Variants in ADGRV1 observed in about 807,000 individuals in gnomAD.
ADGRV1 encodes G-protein coupled receptor 98.
ADGRV1 carries 359 observed loss-of-function variants against 596.2 expected under a neutral mutation model. That is an observed-to-expected ratio of 0.60 (90% CI 0.55 to 0.66). ADGRV1 has a LOEUF of 0.66. Ranked by LOEUF, ADGRV1 falls within the 30% of genes least tolerant of loss-of-function variation. ADGRV1 has a pLI of 0.00. For missense variants in ADGRV1, 7,274 were observed against 7,575.6 expected, an observed-to-expected ratio of 0.96 and a Z score of 1.48; for synonymous variants, 2,681 against 2,679.2, an observed-to-expected ratio of 1.00 and a Z score of -0.02.
rs1462031084 is a variant in ADGRV1 at position 90,985,395 on chromosome 5, C to T, written c.18025C>T (p.Arg6009Ter). The change falls in exon 85 of 90, where the codon CGA (arginine) becomes TGA (stop). Residue 6009 changes from arginine (R) to a stop codon, truncating the protein, a stop_gained. Transcript: ENST00000405460. LOFTEE classifies it high-confidence loss of function. ...LVMNDEHTER[R>*]YLLFFLLSWG... ...GATGAATGATGAGCACACAGAGAGG[C>T]GATATCTGCTGTTTTTCCTTCTGAG... 21 of 1,613,390 alleles carry T rather than the reference C, an allele frequency of 1.3e-5. No homozygotes were observed. The highest frequency in any genetic ancestry group is 3.3e-5 in the South Asian group (3 of 91,028).
At chr5:90,712,576 T>C in intron 42 of ADGRV1, 148 bp downstream of exon 42, 1 of 654,820 alleles carries the variant, frequency 1.5e-6, no homozygotes, top group Non-Finnish European at 2.6e-6. Flanking sequence ...AGAATTCCTG[T>C]GTCTGTGTAA....
intron 14 of ADGRV1, 37 bp downstream of exon 14, chr5:90,644,020 A>C (rs753766852): frequency 7.7e-7 from 1 of 1,305,038 alleles, no homozygotes; most frequent in South Asian, 1.9e-5. Context: ...ATTTCTGTTT[A>C]CTGAAGAAGA....
chr5:90,763,991 T>C (rs867768354), intron 59 of ADGRV1, among the ~76,000 whole-genome samples: 7 of 152,194 alleles, frequency 4.6e-5, no homozygotes, highest in African/African-American at 1.2e-4. Context: ...ATGTCTGATG[T>C]TGAGTGGAAG....
At chr5:90,800,717 A>C (rs1030659110) in intron 70 of ADGRV1, among the ~76,000 whole-genome samples, 1 of 152,214 alleles carries the variant, frequency 6.6e-6, no homozygotes, top group African/African-American at 2.4e-5. Context: ...AATGTGACAC[A>C]TACACCATGG....
intron 86 of ADGRV1, among the ~76,000 whole-genome samples, chr5:91,085,130 A>G (rs1293734061): frequency 6.6e-6 from 1 of 152,202 alleles, no homozygotes; most frequent in Non-Finnish European, 1.5e-5. Context: ...CCTAATGTAA[A>G]TGATGAGTTG....
intron 76 of ADGRV1, among the ~76,000 whole-genome samples, chr5:90,827,404 C>G (rs563519647): frequency 1.3e-5 from 2 of 152,058 alleles, no homozygotes; most frequent in Non-Finnish European, 2.9e-5. Flanking sequence ...ATGTAGGCAC[C>G]CATCTTTACA....
chr5:90,649,869 TGAGAGA>T (rs146927477), intron 17 of ADGRV1, among the ~76,000 whole-genome samples: 29 of 150,112 alleles, frequency 1.9e-4, no homozygotes, highest in African/African-American at 6.3e-4. Context: ...TATTTGATTT[TGAGAGA>T]GAGAGAGAGA....
chr5:90,926,081 G>T (rs1383726237), intron 83 of ADGRV1, among the ~76,000 whole-genome samples: 1 of 133,794 alleles, frequency 7.5e-6, no homozygotes, highest in Non-Finnish European at 1.6e-5. Context: ...AAGGATATTG[G>T]TCTAAAATTC....
chr5:90,788,404 A>G, intron 68 of ADGRV1, 94 bp downstream of exon 68: 2 of 1,233,770 alleles, frequency 1.6e-6, no homozygotes, highest in Non-Finnish European at 2.2e-6. Flanking sequence ...AGCTTGTGAT[A>G]AATTGGAAAT....
intron 87 of ADGRV1, among the ~76,000 whole-genome samples, chr5:91,142,002 A>G (rs1795139652): frequency 6.6e-6 from 1 of 152,244 alleles, no homozygotes; most frequent in Non-Finnish European, 1.5e-5. Flanking sequence ...TGACCTGGCC[A>G]GGAAGGGATG....
intron 85 of ADGRV1, among the ~76,000 whole-genome samples, chr5:91,056,946 A>G (rs1184478742): frequency 6.6e-6 from 1 of 152,252 alleles, no homozygotes. Flanking sequence ...GTAATAAGTC[A>G]TTAGCAAAAA....
chr5:90,627,336 T>C lies in ADGRV1; in HGVS notation c.798T>C (p.Leu266=). ...AAAATGATAGTCCCGTGAGATTCCT[T>C]CAGAGTATTTATTTGGTTCCTGAGG... ...IKKNDSPVRF[L]QSIYLVPEED... Residue 266 remains leucine, a synonymous_variant, in exon 7 of 90, where the codon CTT becomes CTC. Transcript: ENST00000405460. 6.2e-7 allele frequency: 1 copy of C among 1,613,920 alleles called. No homozygotes were observed. Among genetic ancestry groups the C allele is most frequent in the Non-Finnish European group, 8.5e-7 (1 of 1,179,814 alleles).
At chr5:90,770,715 A>C (rs1055747680) in intron 59 of ADGRV1, among the ~76,000 whole-genome samples, 1 of 152,168 alleles carries the variant, frequency 6.6e-6, no homozygotes, top group Non-Finnish European at 1.5e-5. Flanking sequence ...CAAACAAACA[A>C]AAACAAAAAA....
At position 90,853,286 on chromosome 5, in the gene ADGRV1, G is replaced by T; in HGVS notation, c.17207G>T (p.Ser5736Ile). The change falls in exon 80 of 90, where the codon AGC becomes ATC. Residue 5736 changes from serine to isoleucine, a missense_variant and splice_region_variant. By Grantham distance (142) the Ser-to-Ile change is moderately radical. Coordinates refer to ENST00000405460, the MANE Select transcript of ADGRV1 (RefSeq NM_032119.4). ...GACCCTTTGCTTTTCTGTTGTAGAA[G>T]CAAAACCATCCTTGATAGTTGCCCA... Reference protein sequence around the residue: ...NVTCGSPGEKSKTILDSCPYL... With the variant: ...NVTCGSPGEKIKTILDSCPYL... The T allele has an allele frequency of 6.2e-7, 1 of 1,601,334 alleles. No individual in the cohort carries two copies. The highest frequency in any genetic ancestry group is 1.1e-5 in the South Asian group (1 of 89,240).
At chr5:91,103,702 G>A (rs1791596424) in intron 87 of ADGRV1, among the ~76,000 whole-genome samples, 1 of 151,964 alleles carries the variant, frequency 6.6e-6, no homozygotes. Flanking sequence ...TTTTTTGAAG[G>A]CAGTATTTGC....
intron 75 of ADGRV1, among the ~76,000 whole-genome samples, chr5:90,819,045 T>C (rs915957701): frequency 2.0e-5 from 3 of 152,198 alleles, no homozygotes; most frequent in African/African-American, 7.2e-5. Context: ...CATCTGGTCC[T>C]GGACTCTTTT....
chr5:90,786,264 A>T (rs543593715), intron 67 of ADGRV1, among the ~76,000 whole-genome samples: 2 of 149,690 alleles, frequency 1.3e-5, no homozygotes, highest in African/African-American at 2.5e-5. Context: ...GTGGGGGGCT[A>T]GGGGAGAGAT....
chr5:90,765,429 C>CCACACACACACACA (rs531033246), intron 59 of ADGRV1, among the ~76,000 whole-genome samples: 1 of 136,268 alleles, frequency 7.3e-6, no homozygotes. Context: ...AAATCACAGA[C>CCACACACACACACA]CACACACACA....
intron 85 of ADGRV1, among the ~76,000 whole-genome samples, chr5:91,012,995 T>C (rs2151155454): frequency 6.6e-6 from 1 of 152,202 alleles, no homozygotes; most frequent in Admixed American, 6.6e-5. Flanking sequence ...TCTTCTTGCG[T>C]TAGTTTGCTA....
Sources: allele counts gnomAD v4.1 joint callset (sites outside exome capture counted in the v4.1 genomes callset), GRCh38; gene constraint gnomAD v4.1.1; transcripts MANE v1.5; gene names NCBI Gene and HGNC (gene_info 2026-07-23, HGNC 2026-07-21).